Variants in ADAMTSL1 observed in about 807,000 individuals in gnomAD.
ADAMTSL1 encodes the protein ADAMTS-like protein 1.
Under a neutral mutation model 201.8 loss-of-function variants are expected in ADAMTSL1, and 126 were observed. The ratio of observed to expected loss-of-function variants is 0.62; its 90% CI spans 0.54 to 0.72. ADAMTSL1 has a LOEUF of 0.72. Among genes scored for constraint, ADAMTSL1 ranks in the 30% least tolerant of loss-of-function variants. ADAMTSL1 has a pLI of 0.00. For missense variants in ADAMTSL1, 2,679 were observed against 2,277.8 expected (o/e 1.18, Z -3.59); for synonymous variants, 1,121 against 903.4 (o/e 1.24, Z -4.32).
intron 19 of ADAMTSL1, among the ~76,000 whole-genome samples, chr9:18,793,486 AC>A (rs752136898): frequency 6.6e-6 from 1 of 152,130 alleles, no homozygotes; most frequent in Admixed American, 6.5e-5. Flanking sequence ...GCTTAATCTT[AC>A]CACAGAGTCT....
intron 6 of ADAMTSL1, among the ~76,000 whole-genome samples, chr9:18,638,613 T>A (rs1383321890): frequency 2.6e-5 from 4 of 152,008 alleles, no homozygotes; most frequent in African/African-American, 9.7e-5. Flanking sequence ...AAATCAAGGT[T>A]TTTTTTCTAT....
intron 1 of ADAMTSL1, among the ~76,000 whole-genome samples, chr9:18,057,479 T>G (rs185146253): frequency 6.6e-6 from 1 of 152,222 alleles, no homozygotes; most frequent in Admixed American, 6.5e-5. Context: ...CCATGGAAAG[T>G]TGGCAACAGG....
chr9:18,006,252 A>G (rs758626528), intron 1 of ADAMTSL1, among the ~76,000 whole-genome samples: 1 of 152,032 alleles, frequency 6.6e-6, no homozygotes, highest in Non-Finnish European at 1.5e-5. Flanking sequence ...CTTCAACAGC[A>G]TAGAAACATA....
chr9:18,579,679 C>G (rs1564064962), intron 4 of ADAMTSL1, among the ~76,000 whole-genome samples: 1 of 151,982 alleles, frequency 6.6e-6, no homozygotes, highest in Non-Finnish European at 1.5e-5. Context: ...ATGAGCAGAC[C>G]TTCTGTTAAT....
intron 8 of ADAMTSL1, among the ~76,000 whole-genome samples, chr9:18,659,571 T>C (rs201248086): frequency 1.3e-5 from 2 of 152,108 alleles, no homozygotes; most frequent in African/African-American, 2.4e-5. Context: ...TCGAGACCAG[T>C]CTGGCCAACA....
At chr9:18,541,565 G>C (rs550597633) in intron 3 of ADAMTSL1, among the ~76,000 whole-genome samples, 1 of 151,830 alleles carries the variant, frequency 6.6e-6, no homozygotes, top group South Asian at 2.1e-4. Context: ...TAATTTAAAG[G>C]ATCTATTTTT....
chr9:18,127,902 C>T (rs1351775232), intron 1 of ADAMTSL1, among the ~76,000 whole-genome samples: 3 of 152,116 alleles, frequency 2.0e-5, no homozygotes, highest in Non-Finnish European at 4.4e-5. Flanking sequence ...TGTTTCTTTG[C>T]TTAATGTGGC....
chr9:18,359,791 C>A (rs563172785), intron 2 of ADAMTSL1, among the ~76,000 whole-genome samples: 10 of 149,416 alleles, frequency 6.7e-5, no homozygotes, highest in African/African-American at 2.2e-4. Flanking sequence ...CCTAGAAGTC[C>A]CCATTCAGCA....
At position 18,721,524 on chromosome 9, in the gene ADAMTSL1, AT is replaced by A. The variant is rs1484588954; in HGVS notation, c.1877-9del. On this transcript the variant is annotated splice_polypyrimidine_tract_variant and intron_variant, in intron 14 of 28. Coordinates refer to ENST00000380548, the MANE Select transcript of ADAMTSL1 (RefSeq NM_001040272.6). Reference sequence around the variant, plus strand: ...CTTTGCACTCTGGCCTGACCGTGTGATTTGTACACAGGTGTCCAGGAGGCTG... The same window carrying A: ...CTTTGCACTCTGGCCTGACCGTGTGATTGTACACAGGTGTCCAGGAGGCTG... 6.2e-7 allele frequency: 1 copy of A among 1,613,544 alleles called. No homozygotes were observed. The highest frequency in any genetic ancestry group is 1.3e-5 in the African/African-American group (1 of 75,004).
intron 23 of ADAMTSL1, among the ~76,000 whole-genome samples, chr9:18,870,778 G>C (rs1827834611): frequency 6.6e-6 from 1 of 152,024 alleles, no homozygotes; most frequent in African/African-American, 2.4e-5. Context: ...ATGTTTTCAA[G>C]TAGTAATTGT....
intron 2 of ADAMTSL1, among the ~76,000 whole-genome samples, chr9:18,266,290 G>A (rs1460112492): frequency 6.6e-6 from 1 of 152,124 alleles, no homozygotes; most frequent in East Asian, 1.9e-4. Flanking sequence ...CAAGGGCATG[G>A]GTCACATCTA....
rs139564922 is a variant in ADAMTSL1 at position 18,847,222 on chromosome 9, A to AC, written c.4249+17246dup. Among the ~76,000 whole-genome samples the AC allele has an allele frequency of 3.3e-3, 500 of 152,230 alleles. 6 individuals are homozygous for AC. Among genetic ancestry groups the AC allele is most frequent in the East Asian group, 0.032 (166 of 5,174 alleles). On this transcript the variant is annotated intron_variant, in intron 23 of 28. Transcript: ENST00000380548. ...GAAATCAAAAGGAACAGGAGTGGGGACTGCTTTCTTTGATGAAAGGGTAAT... is the reference window on the plus strand; with the variant it reads ...GAAATCAAAAGGAACAGGAGTGGGGACCTGCTTTCTTTGATGAAAGGGTAAT...
intron 7 of ADAMTSL1, among the ~76,000 whole-genome samples, chr9:18,642,037 A>G (rs1779210117): frequency 6.6e-6 from 1 of 151,992 alleles, no homozygotes; most frequent in Non-Finnish European, 1.5e-5. Flanking sequence ...AAATAGCATC[A>G]TCCTTGAGAT....
intron 15 of ADAMTSL1, among the ~76,000 whole-genome samples, chr9:18,743,429 C>T (rs1027049044): frequency 2.0e-5 from 3 of 152,066 alleles, no homozygotes; most frequent in Non-Finnish European, 4.4e-5. Flanking sequence ...TACAAAATAG[C>T]AAAGACGGTT....
chr9:18,483,137 G>C (rs1821812765), intron 1 of ADAMTSL1, among the ~76,000 whole-genome samples: 1 of 152,132 alleles, frequency 6.6e-6, no homozygotes, highest in South Asian at 2.1e-4. Context: ...GTTTTATTTT[G>C]TCCTGAATAT....
chr9:18,559,332 T>C (rs1821322387), intron 3 of ADAMTSL1, among the ~76,000 whole-genome samples: 1 of 152,214 alleles, frequency 6.6e-6, no homozygotes, highest in Admixed American at 6.5e-5. Context: ...TGTGGTGGTA[T>C]TTCTGAGGCC....
At chr9:18,438,612 C>G (rs1161732739) in intron 2 of ADAMTSL1, among the ~76,000 whole-genome samples, 1 of 152,200 alleles carries the variant, frequency 6.6e-6, no homozygotes, top group Non-Finnish European at 1.5e-5. Flanking sequence ...GCTTTCTTCT[C>G]GAGCTCGTGA....
At chr9:18,818,655 T>C (rs1824012434) in intron 21 of ADAMTSL1, among the ~76,000 whole-genome samples, 1 of 152,002 alleles carries the variant, frequency 6.6e-6, no homozygotes, top group African/African-American at 2.4e-5. Flanking sequence ...TAGCCATGTG[T>C]GGTGACGCAT....
chr9:18,158,573 C>G (rs1827253909), intron 1 of ADAMTSL1, among the ~76,000 whole-genome samples: 1 of 152,020 alleles, frequency 6.6e-6, no homozygotes, highest in Admixed American at 6.6e-5. Context: ...TTGTTTATCA[C>G]AAGTGAAATT....
Sources: gnomAD v4.1 joint callset for allele counts (sites outside exome capture counted in the v4.1 genomes callset) on GRCh38, gnomAD v4.1.1 for gene constraint, MANE v1.5 for transcripts, NCBI Gene and HGNC (gene_info 2026-07-23, HGNC 2026-07-21) for gene names.